STARD13: variants seen among roughly 807,000 people sequenced by gnomAD.
STARD13 encodes the protein StAR related lipid transfer domain containing 13.
In STARD13, 62 loss-of-function variants were observed where a neutral mutation model predicts 106.4. The ratio of observed to expected loss-of-function variants is 0.58; its 90% CI spans 0.48 to 0.72. The LOEUF (loss-of-function observed/expected upper bound fraction) is 0.72. Among genes scored for constraint, STARD13 ranks in the 30% least tolerant of loss-of-function variants. The pLI is 0.00. For missense variants in STARD13, 1,387 were observed against 1,424.0 expected (o/e 0.97, Z 0.42); for synonymous variants, 565 against 553.0 (o/e 1.02, Z -0.31).
the STARD13 span, among the ~76,000 whole-genome samples, chr13:33,583,387 C>A: frequency 6.6e-6 from 1 of 152,160 alleles, no homozygotes; most frequent in African/African-American, 2.4e-5. Flanking sequence ...CTGACATACT[C>A]ATTTAGGACC....
the STARD13 span, among the ~76,000 whole-genome samples, chr13:33,540,523 G>T: frequency 6.6e-6 from 1 of 152,164 alleles, no homozygotes; most frequent in Non-Finnish European, 1.5e-5. Flanking sequence ...ACACTACTTA[G>T]AACTTCTAGC....
rs148772135 is a variant in STARD13 at position 33,110,863 on chromosome 13, C to T, written c.2652G>A (p.Glu884=). Residue 884 remains glutamate (E), a synonymous_variant, in exon 11 of 14, where the codon GAG becomes GAA. Transcript: ENST00000336934. ...LVAQSRNSYV[E]AEIHVPTLEE... is the part of the protein sequence containing the mutation. ...CCAGGGTTGGCACGTGGATCTCAGC[C>T]TCCACATACGAGTTACGAGACTGGG... 3.7e-6 allele frequency: 6 copies of T among 1,613,748 alleles called. No individual in the cohort carries two copies. The African/African-American group carries it at 8.0e-5, about 22-fold the overall frequency.
intron 1 of STARD13, among the ~76,000 whole-genome samples, chr13:33,246,020 T>C (rs1484660563): frequency 1.3e-5 from 2 of 152,070 alleles, no homozygotes; most frequent in East Asian, 1.9e-4. Context: ...AGTAAGGATA[T>C]TTGAAGGGTG....
At chr13:33,618,928 CTG>C in the STARD13 span, among the ~76,000 whole-genome samples, 3 of 151,798 alleles carry the variant, frequency 2.0e-5, no homozygotes, top group African/African-American at 7.3e-5. Context: ...CCATAAGAAT[CTG>C]TGTGTGTGTG....
chr13:33,446,092 T>C, the STARD13 span, among the ~76,000 whole-genome samples: 1 of 152,204 alleles, frequency 6.6e-6, no homozygotes, highest in Admixed American at 6.5e-5. Flanking sequence ...TGCAGAGTCA[T>C]TTTGACAAGA....
Position 33,129,650 on chromosome 13 carries a change from C to A in STARD13, c.1027G>T (p.Val343Leu), listed in dbSNP as rs1158384445. 3 of 1,613,988 alleles carry A rather than the reference C, an allele frequency of 1.9e-6. No individual in the cohort carries two copies. Among genetic ancestry groups the A allele is most frequent in the Middle Eastern group, 1.6e-4 (1 of 6,062 alleles). Residue 343 changes from valine to leucine, a missense_variant, in exon 5 of 14, where the codon GTG becomes TTG. Physicochemically the swap from Val to Leu is conservative, Grantham distance 32. Transcript: ENST00000336934. ...SSPSEHSSSG[V>L]STPCLKERKC... ...CGTTCCTTCAGGCAGGGCGTGCTCA[C>A]CCCGCTGCTGCTGTGCTCCGACGGG...
the STARD13 span, among the ~76,000 whole-genome samples, chr13:33,516,313 C>T: frequency 6.7e-6 from 1 of 149,316 alleles, no homozygotes; most frequent in African/African-American, 2.5e-5. Flanking sequence ...ATTACTGAAA[C>T]CCAGGGCAAT....
chr13:33,146,401 T>C (rs1473701901), intron 3 of STARD13, among the ~76,000 whole-genome samples: 1 of 152,138 alleles, frequency 6.6e-6, no homozygotes, highest in African/African-American at 2.4e-5. Context: ...AGAGGATCAC[T>C]TGAGCCTGGG....
chr13:33,117,117 T>G (rs1875494226), intron 8 of STARD13, among the ~76,000 whole-genome samples: 1 of 152,086 alleles, frequency 6.6e-6, no homozygotes, highest in Non-Finnish European at 1.5e-5. Context: ...AATTTCATTC[T>G]TTTTTTTCTG....
At chr13:33,356,521 C>G in the STARD13 span, among the ~76,000 whole-genome samples, 4 of 152,154 alleles carry the variant, frequency 2.6e-5, no homozygotes, top group African/African-American at 9.7e-5. Context: ...TACCATGGCT[C>G]CGCACCTACT....
the STARD13 span, among the ~76,000 whole-genome samples, chr13:33,583,523 C>A: frequency 1.3e-5 from 2 of 152,144 alleles, no homozygotes; most frequent in Admixed American, 6.5e-5. Context: ...ACTTTCCCTG[C>A]CTTTTGACTA....
chr13:33,269,743 A>G (rs1324076160), intron 1 of STARD13, among the ~76,000 whole-genome samples: 1 of 152,236 alleles, frequency 6.6e-6, no homozygotes, highest in East Asian at 1.9e-4. Context: ...TAAGCTGAGT[A>G]AAAATACAAA....
intron 3 of STARD13, among the ~76,000 whole-genome samples, chr13:33,145,102 C>T (rs185968991): frequency 6.6e-6 from 1 of 152,314 alleles, no homozygotes; most frequent in African/African-American, 2.4e-5. Flanking sequence ...TGCTTCTCTA[C>T]TTGGAAAAAG....
At chr13:33,440,404 C>A in the STARD13 span, among the ~76,000 whole-genome samples, 2 of 152,046 alleles carry the variant, frequency 1.3e-5, no homozygotes, top group East Asian at 3.9e-4. Flanking sequence ...AAAGCCAGGC[C>A]CTGCGTCACT....
chr13:33,637,661 C>T, the STARD13 span, among the ~76,000 whole-genome samples: 9 of 152,328 alleles, frequency 5.9e-5, no homozygotes, highest in African/African-American at 2.2e-4. Flanking sequence ...TATCAGGCTT[C>T]TTAGCAGTTC....
chr13:33,553,705 G>T, the STARD13 span, among the ~76,000 whole-genome samples: 15 of 150,122 alleles, frequency 1.0e-4, no homozygotes, highest in African/African-American at 3.2e-4. Flanking sequence ...TCAGCCTCCC[G>T]AGTAGCTGGG....
the STARD13 span, among the ~76,000 whole-genome samples, chr13:33,639,289 A>C: frequency 6.6e-6 from 1 of 152,192 alleles, no homozygotes; most frequent in African/African-American, 2.4e-5. Flanking sequence ...TACTTGTACC[A>C]AGGCCATGTG....
chr13:33,415,374 T>A, the STARD13 span, among the ~76,000 whole-genome samples: 12 of 151,894 alleles, frequency 7.9e-5, no homozygotes, highest in African/African-American at 2.7e-4. Flanking sequence ...TCTCAAAAAA[T>A]AAATAAATAA....
At chr13:33,415,193 C>A in the STARD13 span, among the ~76,000 whole-genome samples, 1 of 152,088 alleles carries the variant, frequency 6.6e-6, no homozygotes, top group Non-Finnish European at 1.5e-5. Flanking sequence ...ACGGTGAAAC[C>A]CCGTCTGTAC....
Sources: gnomAD v4.1 joint callset for allele counts (sites outside exome capture counted in the v4.1 genomes callset) on GRCh38, gnomAD v4.1.1 for gene constraint, MANE v1.5 for transcripts, NCBI Gene and HGNC (gene_info 2026-07-23, HGNC 2026-07-21) for gene names.